The following ANO1 variants were observed in gnomAD, a reference collection of about 807,000 sequenced individuals.
The protein encoded by ANO1 is anoctamin 1.
ANO1 carries 59 observed loss-of-function variants against 124.0 expected under a neutral mutation model. The ratio of observed to expected loss-of-function variants is 0.48; its 90% CI spans 0.39 to 0.59. The LOEUF (loss-of-function observed/expected upper bound fraction) is 0.59, where lower values mean the gene tolerates loss of function less well. Among genes scored for constraint, ANO1 ranks in the 20% least tolerant of loss-of-function variants. ANO1 has a pLI of 0.00. For synonymous variants in ANO1, 529 were observed against 532.0 expected (o/e 0.99, Z 0.08); for missense variants, 1,059 against 1,328.0 (o/e 0.80, Z 3.15).
intron 1 of ANO1, among the ~76,000 whole-genome samples, chr11:70,008,326 T>C (rs1005070900): frequency 2.6e-4 from 39 of 152,252 alleles, no homozygotes; most frequent in African/African-American, 9.4e-4. Flanking sequence ...TGCCAAGTCA[T>C]GTCATAAGTT....
chr11:69,989,279 C>T (rs1444951273), intron 1 of ANO1, among the ~76,000 whole-genome samples: 1 of 152,174 alleles, frequency 6.6e-6, no homozygotes, highest in African/African-American at 2.4e-5. Flanking sequence ...TCTTACCATT[C>T]AGGGAGGATA....
In ANO1 at chr11:70,048,124, C is replaced by T. The variant is rs191236902; in HGVS notation, c.59-30418C>T. ...AGATATTATTTTTGTCTTCCATTTG[C>T]ACTCAAAGTAAAACAAAATATTAAG... On this transcript the variant is annotated intron_variant, in intron 1 of 27. Coordinates refer to the ANO1 transcript ENST00000531349. Among the ~76,000 whole-genome samples, 6 of 152,292 alleles carry T rather than the reference C, an allele frequency of 3.9e-5. No individual in the cohort carries two copies. The East Asian group carries it at 1.2e-3, about 29-fold the overall frequency.
chr11:70,174,833 C>G (rs2048624172), intron 22 of ANO1, among the ~76,000 whole-genome samples: 1 of 152,080 alleles, frequency 6.6e-6, no homozygotes. Context: ...CCCTGCAGTC[C>G]TCGGAAATTC....
At position 70,078,545 on chromosome 11, in the gene ANO1, C is replaced by T. The variant is rs2135163100; in HGVS notation, c.-62C>T. 1.6e-6 allele frequency: 2 copies of T among 1,231,082 alleles called. No individual in the cohort carries two copies. Among genetic ancestry groups the T allele is most frequent in the Non-Finnish European group, 1.1e-6 (1 of 932,918 alleles). 76.3% of individuals were successfully genotyped at this position (1,231,082 alleles called of 1,614,324 possible). A position where few individuals can be genotyped will look rare whatever the true frequency, so the allele number is the denominator to read the frequency against. Reference sequence around the variant, plus strand: ...ACGCTGCGGTCTCCGCCCGCAGAGGCCGCCGGGGCCGTGGATGGGGAGGGC... The same window carrying T: ...ACGCTGCGGTCTCCGCCCGCAGAGGTCGCCGGGGCCGTGGATGGGGAGGGC... On this transcript the variant is annotated 5_prime_UTR_variant, in exon 1 of 26. Coordinates refer to ENST00000355303, the MANE Select transcript of ANO1 (RefSeq NM_018043.7).
At chr11:70,042,151 A>G (rs1857193156) in intron 1 of ANO1, among the ~76,000 whole-genome samples, 1 of 152,188 alleles carries the variant, frequency 6.6e-6, no homozygotes. Context: ...ATGTAGTAAC[A>G]GGGGTCAGAC....
the ANO1 span, among the ~76,000 whole-genome samples, chr11:69,975,820 C>T: frequency 0.62 from 93,574 of 152,090 alleles, 29,474 homozygotes; most frequent in South Asian, 0.79. Flanking sequence ...TCCAGAATCC[C>T]ATTGACTGGT....
chr11:70,038,942 G>C (rs1857137963), intron 1 of ANO1, among the ~76,000 whole-genome samples: 1 of 152,124 alleles, frequency 6.6e-6, no homozygotes, highest in Non-Finnish European at 1.5e-5. Context: ...TTATCTCCCA[G>C]GGAAAAAGCA....
intron 1 of ANO1, among the ~76,000 whole-genome samples, chr11:70,027,159 C>A (rs1450343779): frequency 1.3e-5 from 2 of 152,152 alleles, no homozygotes; most frequent in Non-Finnish European, 2.9e-5. Context: ...TATGTAGATT[C>A]TTTTTAACTT....
chr11:70,105,824 C>A lies in ANO1; in HGVS notation c.747+36C>A, dbSNP rs372414005. ...CACGCGCCTGGAAACGGCTCACTGG[C>A]AAGATGGCCCTGGGGATCCAGATGA... On this transcript the variant is annotated intron_variant, in intron 5 of 25. Transcript: ENST00000355303. The A allele has an allele frequency of 1.1e-3, 1,813 of 1,602,000 alleles. 27 individuals are homozygous for A. Among genetic ancestry groups the A allele is most frequent in the Middle Eastern group, 1.5e-3 (9 of 5,896 alleles).
chr11:70,078,610 A>T lies in ANO1; in HGVS notation c.4A>T (p.Arg2Trp). The T allele has an allele frequency of 6.7e-7, 1 of 1,484,150 alleles. No individual in the cohort carries two copies. The highest frequency in any genetic ancestry group is 9.0e-7 in the Non-Finnish European group (1 of 1,107,344). The allele number at this position is 1,484,150 out of a possible 1,614,324, so 91.9% of individuals were successfully genotyped here. Residue 2 changes from arginine (R) to tryptophan (W), a missense_variant, in exon 1 of 26, where the codon AGG (arginine) becomes TGG (tryptophan). Transcript: ENST00000355303. M[R>W]VNEKYSTLPA... ...TCCCAGCGCACAGGCGGCCACGATG[A>T]GGGTCAACGAGAAGTACTCGACGCT...
chr11:70,146,445 T>C (rs1047691153), intron 11 of ANO1, among the ~76,000 whole-genome samples: 2 of 151,856 alleles, frequency 1.3e-5, no homozygotes, highest in African/African-American at 4.8e-5. Flanking sequence ...GGAGCGGTAG[T>C]GGGGTGAGTG....
intron 8 of ANO1, among the ~76,000 whole-genome samples, chr11:70,119,462 C>T (rs750025904): frequency 3.4e-5 from 4 of 118,030 alleles, no homozygotes; most frequent in Non-Finnish European, 6.9e-5. Context: ...GATGGATGGC[C>T]GATGGAAGAA....
rs539785347 is a variant in ANO1 at position 70,105,871 on chromosome 11, C to T, written c.747+83C>T. Reference sequence around the variant, plus strand: ...ATGATAATTTCATTTTGGTGAAACTCCTCCCGGTGGAAGCCGGCTCTAATT... The same window carrying T: ...ATGATAATTTCATTTTGGTGAAACTTCTCCCGGTGGAAGCCGGCTCTAATT... On this transcript the variant is annotated intron_variant, in intron 5 of 25. Transcript: ENST00000355303. 28 of 1,398,764 alleles carry T rather than the reference C, an allele frequency of 2.0e-5. 1 individual carries two copies. In the South Asian group the frequency reaches 3.2e-4, roughly 16 times the overall value. 86.6% of individuals were successfully genotyped at this position (1,398,764 alleles called of 1,614,324 possible). A position where few individuals can be genotyped will look rare whatever the true frequency, so the allele number is the denominator to read the frequency against.
At position 70,126,187 on chromosome 11, in the gene ANO1, C is replaced by T; in HGVS notation, c.1089C>T (p.Asn363=). 2.5e-6 allele frequency: 4 copies of T among 1,612,242 alleles called. No homozygotes were observed. The highest frequency in any genetic ancestry group is 3.4e-6 in the Non-Finnish European group (4 of 1,179,196). Residue 363 remains asparagine (N), a synonymous_variant, in exon 10 of 26, where the codon AAC becomes AAT. Transcript: ENST00000355303. ...ACGGATGCGCCACCATGGATGAAAA[C>T]ATCCCCAGGTAGGCGGCAGCCCACC... ...FLYGCATMDE[N]IPSMEMCDQR...
At chr11:70,111,513 T>C (rs993238041) in intron 6 of ANO1, among the ~76,000 whole-genome samples, 194 bp from the exon 7 acceptor site, 1 of 152,194 alleles carries the variant, frequency 6.6e-6, no homozygotes, top group Non-Finnish European at 1.5e-5. Context: ...TCCTAGTTGA[T>C]AGATCAATAA....
rs543296098 is a variant in ANO1, at chr11:70,035,349, C to T, written c.59-43193C>T. Reference sequence around the variant, plus strand: ...GAGAAAAGGAAGGGGCCAAGCCCTGCGCTGGCGAACTTTTCACTTATTATG... The same window carrying T: ...GAGAAAAGGAAGGGGCCAAGCCCTGTGCTGGCGAACTTTTCACTTATTATG... On this transcript the variant is annotated intron_variant, in intron 1 of 27. Coordinates refer to the ANO1 transcript ENST00000531349. Among the ~76,000 whole-genome samples the T allele has an allele frequency of 1.8e-4, 28 of 152,234 alleles. 1 individual carries two copies. In the East Asian group the frequency reaches 3.1e-3, roughly 17 times the overall value.
At chr11:70,030,531 C>T (rs1267486672) in intron 1 of ANO1, among the ~76,000 whole-genome samples, 3 of 152,222 alleles carry the variant, frequency 2.0e-5, no homozygotes, top group Non-Finnish European at 4.4e-5. Context: ...GGTCCCTTCA[C>T]AGGCTCCGTC....
chr11:69,991,505 C>T (rs1367165672), intron 1 of ANO1, among the ~76,000 whole-genome samples: 2 of 152,184 alleles, frequency 1.3e-5, no homozygotes, highest in Non-Finnish European at 2.9e-5. Context: ...GAAGCATAGC[C>T]CAGGGGACCA....
chr11:70,044,046 C>A (rs548478124), intron 1 of ANO1, among the ~76,000 whole-genome samples: 78 of 149,470 alleles, frequency 5.2e-4, no homozygotes, highest in Middle Eastern at 3.6e-3. Context: ...GACAGTAGCA[C>A]AAAGGAAGGA....
Sources: gnomAD v4.1 joint callset for allele counts (sites outside exome capture counted in the v4.1 genomes callset) on GRCh38, gnomAD v4.1.1 for gene constraint, MANE v1.5 for transcripts, NCBI Gene and HGNC (gene_info 2026-07-23, HGNC 2026-07-21) for gene names.